GALNT17: variants seen among roughly 807,000 people sequenced by gnomAD.
GALNT17 encodes UDP-GalNAc:polypeptide N-acetylgalactosaminyltransferase-like 3.
GALNT17 carries 29 observed loss-of-function variants against 63.7 expected under a neutral mutation model. The observed-to-expected ratio is 0.46, with a 90% CI of 0.34 to 0.62. The LOEUF is 0.62. Among genes scored for constraint, GALNT17 ranks in the 20% least tolerant of loss-of-function variants. The pLI, the probability that GALNT17 is intolerant of heterozygous loss-of-function variation, is 0.01. For synonymous variants in GALNT17, 305 were observed against 318.3 expected (o/e 0.96, Z 0.45); for missense variants, 603 against 799.6 (o/e 0.75, Z 2.97).
At position 71,457,645 on chromosome 7, in the gene GALNT17, C is replaced by T. The variant is rs992569615; in HGVS notation, c.962+36540C>T. Among the ~76,000 whole-genome samples the T allele has an allele frequency of 5.9e-5, 9 of 152,286 alleles. No individual in the cohort carries two copies. The South Asian group carries it at 1.2e-3, about 21-fold the overall frequency. On this transcript the variant is annotated intron_variant, in intron 5 of 10. Transcript: ENST00000333538. ...GGGTAATTTGCTGTCATTACCATGG[C>T]ATTTGTAAACTGCAGTGGTGCTGGT...
Position 71,665,572 on chromosome 7 carries a change from C to T in GALNT17, c.1242C>T (p.Tyr414=), listed in dbSNP as rs1790972959. Residue 414 remains tyrosine (Y), a synonymous_variant, in exon 7 of 11, where the codon TAC becomes TAT. Coordinates refer to ENST00000333538, the MANE Select transcript of GALNT17 (RefSeq NM_022479.3). ...VWMDDYKSHV[Y]IAWNLPLENP... ...TGGACGATTACAAGTCTCATGTGTA[C>T]ATAGCGTGGAACCTGCCGCTGGAGG... 6.2e-7 allele frequency: 1 copy of T among 1,613,836 alleles called. No individual in the cohort carries two copies. The highest frequency in any genetic ancestry group is 8.5e-7 in the Non-Finnish European group (1 of 1,179,928).
chr7:71,520,019 C>T (rs1788504695), intron 5 of GALNT17, among the ~76,000 whole-genome samples: 1 of 152,118 alleles, frequency 6.6e-6, no homozygotes, highest in Admixed American at 6.5e-5. Context: ...TTACTATGTG[C>T]TGAGCTTCAC....
Position 71,377,098 on chromosome 7 carries a change from AAAT to A in GALNT17, c.423-11134_423-11132del, listed in dbSNP as rs1345953548. ...GATATTCCATCTCAAAAAAAAAAAA[AAAT>A]AAAAATAAAAAAAATATATATATAT... On this transcript the variant is annotated intron_variant, in intron 2 of 10. Coordinates refer to ENST00000333538, the MANE Select transcript of GALNT17 (RefSeq NM_022479.3). Among the ~76,000 whole-genome samples the A allele has an allele frequency of 3.1e-3, 188 of 60,592 alleles. 20 individuals carry two copies. The highest frequency in any genetic ancestry group is 0.017 in the African/African-American group (150 of 9,046). The allele number at this position is 60,592 out of a possible 152,430, so 39.8% of individuals were successfully genotyped here.
chr7:71,530,626 T>A (rs1407089048), intron 5 of GALNT17, among the ~76,000 whole-genome samples: 2 of 151,922 alleles, frequency 1.3e-5, no homozygotes, highest in Non-Finnish European at 2.9e-5. Context: ...CAGGCTGGAG[T>A]GCAGTGGCGC....
At chr7:71,654,695 CTT>C (rs60089042) in intron 6 of GALNT17, among the ~76,000 whole-genome samples, 1 of 48,806 alleles carries the variant, frequency 2.0e-5, no homozygotes, top group Non-Finnish European at 7.2e-5. Flanking sequence ...AAATCTTTAA[CTT>C]CAGGTATCTA....
intron 6 of GALNT17, among the ~76,000 whole-genome samples, chr7:71,656,611 C>G (rs536573371): frequency 4.1e-4 from 62 of 152,068 alleles, no homozygotes; most frequent in African/African-American, 1.5e-3. Flanking sequence ...GAAGTGGTGG[C>G]TGTGGTCCAG....
At chr7:71,707,659 G>A (rs1791740009) in intron 9 of GALNT17, among the ~76,000 whole-genome samples, 1 of 152,244 alleles carries the variant, frequency 6.6e-6, no homozygotes, top group African/African-American at 2.4e-5. Context: ...CAGCTGGCAG[G>A]TTGGCTGAGG....
At position 71,387,103 on chromosome 7, in the gene GALNT17, C is replaced by T. The variant is rs1792959427; in HGVS notation, c.423-1132C>T. ...TCCAAAGGGTGTGTTATGAAGATTG[C>T]TCCTGTGGGTGATGGGGGCTTAATC... is the stretch of plus-strand genomic sequence containing the variant. On this transcript the variant is annotated intron_variant, in intron 2 of 10. Coordinates refer to ENST00000333538, the MANE Select transcript of GALNT17 (RefSeq NM_022479.3). 2.6e-5 allele frequency among the ~76,000 whole-genome samples: 4 copies of T among 151,976 alleles called. No individual in the cohort carries two copies. In the South Asian group the frequency reaches 8.4e-4, roughly 32 times the overall value.
intron 5 of GALNT17, 98 bp from the exon 6 acceptor site, chr7:71,571,187 C>A (rs1789436077): frequency 2.0e-6 from 2 of 1,011,274 alleles, no homozygotes; most frequent in Non-Finnish European, 1.5e-6. Flanking sequence ...GGAACCAGTA[C>A]ATGCTAGACC....
At chr7:71,640,623 T>G (rs1447380412) in intron 6 of GALNT17, among the ~76,000 whole-genome samples, 1 of 152,180 alleles carries the variant, frequency 6.6e-6, no homozygotes, top group East Asian at 1.9e-4. Context: ...GATCTTGTTA[T>G]TTAAGGTGCT....
chr7:71,285,959 A>C (rs1468575515), intron 1 of GALNT17, among the ~76,000 whole-genome samples: 1 of 152,210 alleles, frequency 6.6e-6, no homozygotes, highest in Non-Finnish European at 1.5e-5. Flanking sequence ...GAAGACTGGA[A>C]ACCATCATAA....
chr7:71,189,811 C>CTT (rs113070343), intron 1 of GALNT17, among the ~76,000 whole-genome samples: 2 of 135,800 alleles, frequency 1.5e-5, no homozygotes. Context: ...AGAACCATTT[C>CTT]TTTTTTTTTT....
At chr7:71,168,943 A>G (rs1379537321) in intron 1 of GALNT17, among the ~76,000 whole-genome samples, 1 of 152,106 alleles carries the variant, frequency 6.6e-6, no homozygotes, top group Non-Finnish European at 1.5e-5. Flanking sequence ...GTTTAGAATG[A>G]CTGTGTCTGT....
chr7:71,457,502 G>A (rs541342034), intron 5 of GALNT17, among the ~76,000 whole-genome samples: 13 of 152,324 alleles, frequency 8.5e-5, no homozygotes, highest in African/African-American at 2.4e-4. Flanking sequence ...TAAAAGAATG[G>A]CTACTCCATA....
chr7:71,273,788 G>C (rs1310874391), intron 1 of GALNT17, among the ~76,000 whole-genome samples: 1 of 152,114 alleles, frequency 6.6e-6, no homozygotes, highest in East Asian at 1.9e-4. Context: ...ACTTTTAACT[G>C]TTGGTCAAAT....
At chr7:71,705,285 G>A (rs1160212176) in intron 9 of GALNT17, among the ~76,000 whole-genome samples, 2 of 152,074 alleles carry the variant, frequency 1.3e-5, no homozygotes, top group Non-Finnish European at 2.9e-5. Context: ...TTAGTCATTA[G>A]AGAAATGCAA....
At chr7:71,383,708 A>G (rs993756809) in intron 2 of GALNT17, among the ~76,000 whole-genome samples, 36 of 152,140 alleles carry the variant, frequency 2.4e-4, no homozygotes, top group Non-Finnish European at 1.2e-4. Context: ...AGTTAAGGCT[A>G]CAGGTGTGAG....
intron 6 of GALNT17, among the ~76,000 whole-genome samples, chr7:71,645,768 C>G (rs1369521391): frequency 6.6e-6 from 1 of 152,128 alleles, no homozygotes; most frequent in African/African-American, 2.4e-5. Flanking sequence ...CTAATGTTTA[C>G]ATTTAAAAAC....
At chr7:71,550,844 CTT>C (rs1225287481) in intron 5 of GALNT17, among the ~76,000 whole-genome samples, 1 of 151,998 alleles carries the variant, frequency 6.6e-6, no homozygotes, top group African/African-American at 2.4e-5. Context: ...TGTACAAAAA[CTT>C]TTTTTAAATC....
Sources: gnomAD v4.1 joint callset for allele counts (sites outside exome capture counted in the v4.1 genomes callset) on GRCh38, gnomAD v4.1.1 for gene constraint, MANE v1.5 for transcripts, NCBI Gene and HGNC (gene_info 2026-07-23, HGNC 2026-07-21) for gene names.